Variants in ST18 observed in about 807,000 individuals in gnomAD.
ST18 encodes suppression of tumorigenicity 18 protein.
Under a neutral mutation model 110.0 loss-of-function variants are expected in ST18, and 50 were observed. That is an observed-to-expected ratio of 0.45 (90% confidence interval 0.36 to 0.58). The LOEUF (loss-of-function observed/expected upper bound fraction) is 0.58, where lower values mean the gene tolerates loss of function less well. Ranked by LOEUF, ST18 falls within the 20% of genes least tolerant of loss-of-function variation. ST18 has a pLI of 0.00. For synonymous variants in ST18, 461 were observed against 452.4 expected (o/e 1.02, Z -0.24); for missense variants, 1,306 against 1,280.1 (o/e 1.02, Z -0.31).
chr8:52,368,421 T>C (rs1423617424), intron 2 of ST18, among the ~76,000 whole-genome samples: 2 of 152,348 alleles, frequency 1.3e-5, no homozygotes, highest in African/African-American at 4.8e-5. Context: ...TTCTGGTGTT[T>C]CTTGTGGATC....
chr8:52,305,725 C>A (rs1355533038), intron 2 of ST18, among the ~76,000 whole-genome samples: 3 of 152,170 alleles, frequency 2.0e-5, no homozygotes, highest in Admixed American at 2.0e-4. Context: ...CCTCTGGGCT[C>A]TTCCTTCACA....
intron 2 of ST18, among the ~76,000 whole-genome samples, chr8:52,318,902 A>G (rs762590480): frequency 1.4e-5 from 2 of 147,314 alleles, no homozygotes; most frequent in Non-Finnish European, 3.0e-5. Context: ...GGGTGGGACA[A>G]CAACATACAC....
chr8:52,230,165 A>G (rs2090876675), intron 2 of ST18, 88 bp from the exon 3 acceptor site: 1 of 152,268 alleles, frequency 6.6e-6, no homozygotes, highest in Admixed American at 6.5e-5. Flanking sequence ...CTTATTAACT[A>G]TATAAAACCA....
chr8:52,349,177 C>T (rs75563799), intron 2 of ST18, among the ~76,000 whole-genome samples: 2 of 152,120 alleles, frequency 1.3e-5, no homozygotes, highest in African/African-American at 2.4e-5. Flanking sequence ...TTGACAATAT[C>T]TCCTTCTTCT....
intron 2 of ST18, among the ~76,000 whole-genome samples, chr8:52,304,805 C>T (rs752223882): frequency 4.6e-5 from 7 of 152,168 alleles, no homozygotes; most frequent in Non-Finnish European, 7.3e-5. Context: ...GGTTCCTAGA[C>T]GTCCATCTTC....
chr8:52,114,598 G>T (rs1381104598), intron 25 of ST18, among the ~76,000 whole-genome samples: 1 of 152,150 alleles, frequency 6.6e-6, no homozygotes, highest in Non-Finnish European at 1.5e-5. Flanking sequence ...TATTAGTATT[G>T]TCCAATCATG....
chr8:52,335,898 C>T (rs1294713225), intron 2 of ST18, among the ~76,000 whole-genome samples: 1 of 152,126 alleles, frequency 6.6e-6, no homozygotes, highest in Non-Finnish European at 1.5e-5. Context: ...TCAGAGGCCT[C>T]CCGGTGCTGT....
intron 8 of ST18, among the ~76,000 whole-genome samples, chr8:52,186,092 G>A (rs1184398231): frequency 6.6e-6 from 1 of 152,184 alleles, no homozygotes; most frequent in East Asian, 1.9e-4. Flanking sequence ...TCTTCTATAT[G>A]TATGTCATGC....
At chr8:52,294,244 G>A (rs1189562116) in intron 2 of ST18, among the ~76,000 whole-genome samples, 3 of 152,202 alleles carry the variant, frequency 2.0e-5, no homozygotes, top group Non-Finnish European at 4.4e-5. Flanking sequence ...AAGTATCACT[G>A]GCCCAAAATG....
intron 2 of ST18, among the ~76,000 whole-genome samples, chr8:52,255,827 G>T (rs948481922): frequency 2.0e-5 from 3 of 152,310 alleles, no homozygotes; most frequent in Admixed American, 2.0e-4. Flanking sequence ...ACTGTTCAAG[G>T]CTCTCTACAG....
At chr8:52,277,181 G>A (rs911537348) in intron 2 of ST18, among the ~76,000 whole-genome samples, 8 of 152,222 alleles carry the variant, frequency 5.3e-5, no homozygotes, top group Admixed American at 3.3e-4. Flanking sequence ...CTCGGGAGCC[G>A]CAGGAAGCGC....
At chr8:52,365,667 TAATC>T (rs1202970006) in intron 2 of ST18, among the ~76,000 whole-genome samples, 2 of 150,866 alleles carry the variant, frequency 1.3e-5, no homozygotes, top group Non-Finnish European at 3.0e-5. Flanking sequence ...ATTTTATACT[TAATC>T]AAGTGCCAGG....
chr8:52,345,000 TAA>T (rs1440237748), intron 2 of ST18, among the ~76,000 whole-genome samples: 2 of 152,208 alleles, frequency 1.3e-5, no homozygotes, highest in Admixed American at 1.3e-4. Context: ...AATTTGAGCT[TAA>T]GTGACTTTGA....
intron 8 of ST18, among the ~76,000 whole-genome samples, chr8:52,186,246 A>C (rs1017064473): frequency 6.6e-6 from 1 of 152,246 alleles, no homozygotes; most frequent in Non-Finnish European, 1.5e-5. Flanking sequence ...ACAGACTGCC[A>C]ATTTTAAACC....
intron 2 of ST18, among the ~76,000 whole-genome samples, chr8:52,260,800 T>A (rs568045586): frequency 6.6e-6 from 1 of 152,374 alleles, no homozygotes; most frequent in East Asian, 1.9e-4. Flanking sequence ...AGGCTTATAA[T>A]GATTCCGCTT....
At chr8:52,236,921 C>T (rs745524984) in intron 2 of ST18, among the ~76,000 whole-genome samples, 3 of 152,176 alleles carry the variant, frequency 2.0e-5, no homozygotes, top group Non-Finnish European at 2.9e-5. Flanking sequence ...ACTGTGAGCA[C>T]TGTCTAATTC....
intron 2 of ST18, among the ~76,000 whole-genome samples, chr8:52,282,800 G>C (rs1280259307): frequency 6.6e-6 from 1 of 152,160 alleles, no homozygotes; most frequent in Non-Finnish European, 1.5e-5. Context: ...AGCAAGGGAA[G>C]AGGCCCCGAG....
chr8:52,327,809 A>G (rs1027988172), intron 2 of ST18, among the ~76,000 whole-genome samples: 5 of 152,218 alleles, frequency 3.3e-5, no homozygotes, highest in African/African-American at 4.8e-5. Context: ...ACTTGCTTCA[A>G]TGCAATACCT....
chr8:52,374,864 C>G (rs1053480232), intron 2 of ST18, among the ~76,000 whole-genome samples: 1 of 152,214 alleles, frequency 6.6e-6, no homozygotes, highest in African/African-American at 2.4e-5. Flanking sequence ...GACATGATCT[C>G]ATTCCTTTTT....
Sources: allele counts gnomAD v4.1 joint callset (sites outside exome capture counted in the v4.1 genomes callset), GRCh38; gene constraint gnomAD v4.1.1; transcripts MANE v1.5; gene names NCBI Gene and HGNC (gene_info 2026-07-23, HGNC 2026-07-21).